CHODL: variants seen among roughly 807,000 people sequenced by gnomAD.
The protein encoded by CHODL is chondrolectin, also known as transmembrane protein MT75.
CHODL carries 29 observed loss-of-function variants against 34.5 expected under a neutral mutation model. The observed-to-expected ratio is 0.84, with a 90% confidence interval of 0.63 to 1.15. The LOEUF (loss-of-function observed/expected upper bound fraction) is 1.15, where lower values mean the gene tolerates loss of function less well. CHODL is among the 50% of genes most tolerant of loss of function. The pLI is 0.00. For synonymous variants in CHODL, 125 were observed against 116.1 expected, an observed-to-expected ratio of 1.08 and a Z score of -0.49; for missense variants, 332 against 332.5, an observed-to-expected ratio of 1.00 and a Z score of 0.01.
At chr21:18,048,461 T>C (rs1417955304) in intron 2 of CHODL, among the ~76,000 whole-genome samples, 1 of 151,940 alleles carries the variant, frequency 6.6e-6, no homozygotes, top group African/African-American at 2.4e-5. Flanking sequence ...TATATTTGCA[T>C]CTTGTTCGGT....
At chr21:18,143,544 A>G (rs1321487640) in intron 2 of CHODL, among the ~76,000 whole-genome samples, 1 of 152,106 alleles carries the variant, frequency 6.6e-6, no homozygotes, top group African/African-American at 2.4e-5. Context: ...TCTGAATTTG[A>G]ACCCTAGCTT....
chr21:18,128,984 G>A (rs193163067), intron 2 of CHODL, among the ~76,000 whole-genome samples: 56 of 151,902 alleles, frequency 3.7e-4, no homozygotes, highest in East Asian at 1.5e-3. Context: ...GTTTTATGCC[G>A]TTTACTTTTT....
chr21:18,035,589 T>C (rs917558434), intron 2 of CHODL, among the ~76,000 whole-genome samples: 1 of 152,034 alleles, frequency 6.6e-6, no homozygotes, highest in African/African-American at 2.4e-5. Context: ...TCATATATAC[T>C]AGTCTACTTG....
At chr21:17,981,960 G>T (rs189038029) in intron 1 of CHODL, among the ~76,000 whole-genome samples, 4 of 152,304 alleles carry the variant, frequency 2.6e-5, no homozygotes, top group Admixed American at 2.6e-4. Flanking sequence ...ATATTTATTT[G>T]TAGGCCCCCA....
intron 2 of CHODL, among the ~76,000 whole-genome samples, chr21:18,084,633 T>G (rs539390282): frequency 3.4e-4 from 52 of 152,298 alleles, no homozygotes; most frequent in Admixed American, 5.2e-4. Flanking sequence ...GAGAAGATAT[T>G]TGATACAATT....
intron 1 of CHODL, among the ~76,000 whole-genome samples, chr21:17,939,976 G>A (rs2063350202): frequency 6.6e-6 from 1 of 152,166 alleles, no homozygotes; most frequent in East Asian, 1.9e-4. Context: ...AGATTCATGG[G>A]TGTGTAACCT....
intron 1 of CHODL, among the ~76,000 whole-genome samples, chr21:17,976,235 C>T (rs896551584): frequency 2.8e-4 from 35 of 122,960 alleles, no homozygotes; most frequent in South Asian, 2.7e-4. Flanking sequence ...TGCACCATTG[C>T]ACTCCAACCT....
At chr21:18,065,502 A>G (rs2064721101) in intron 2 of CHODL, among the ~76,000 whole-genome samples, 1 of 152,198 alleles carries the variant, frequency 6.6e-6, no homozygotes, top group Non-Finnish European at 1.5e-5. Context: ...AACTTGTGCC[A>G]TTAGTGATAT....
intron 2 of CHODL, among the ~76,000 whole-genome samples, chr21:18,083,241 G>T (rs2064963722): frequency 1.3e-5 from 2 of 152,244 alleles, no homozygotes; most frequent in African/African-American, 4.8e-5. Flanking sequence ...ATGTGGTGTT[G>T]GGCCTGTGGG....
intron 2 of CHODL, among the ~76,000 whole-genome samples, chr21:18,117,646 T>C (rs541896391): frequency 6.6e-6 from 1 of 152,004 alleles, no homozygotes; most frequent in South Asian, 2.1e-4. Context: ...GGGGGAGAAA[T>C]ACAATAAAAA....
chr21:18,157,072 G>A (rs1157572554), intron 2 of CHODL, among the ~76,000 whole-genome samples: 1 of 152,106 alleles, frequency 6.6e-6, no homozygotes, highest in Non-Finnish European at 1.5e-5. Flanking sequence ...GAAGCTATGT[G>A]GTACCACTCC....
intron 1 of CHODL, among the ~76,000 whole-genome samples, chr21:17,925,487 C>G (rs2063215519): frequency 6.6e-6 from 1 of 152,108 alleles, no homozygotes; most frequent in African/African-American, 2.4e-5. Flanking sequence ...TCATTGATTT[C>G]TCAACTGACC....
At chr21:18,128,445 T>TA (rs2072609153) in intron 2 of CHODL, among the ~76,000 whole-genome samples, 2 of 149,672 alleles carry the variant, frequency 1.3e-5, no homozygotes, top group African/African-American at 4.9e-5. Context: ...AAAGCAAAGG[T>TA]AACCTCAAAA....
chr21:17,935,972 T>C (rs563096865), intron 1 of CHODL, among the ~76,000 whole-genome samples: 1 of 152,358 alleles, frequency 6.6e-6, no homozygotes, highest in Admixed American at 6.5e-5. Flanking sequence ...ATGCTTTCTT[T>C]TCCCCTTTCT....
chr21:17,949,745 T>C (rs1437967940), intron 1 of CHODL, among the ~76,000 whole-genome samples: 1 of 152,166 alleles, frequency 6.6e-6, no homozygotes, highest in Non-Finnish European at 1.5e-5. Flanking sequence ...GCCAGAGAGA[T>C]GGATGGGCAA....
chr21:18,001,503 A>G (rs776450831), intron 1 of CHODL, among the ~76,000 whole-genome samples: 1 of 152,234 alleles, frequency 6.6e-6, no homozygotes, highest in Non-Finnish European at 1.5e-5. Context: ...GTTAAAAGTC[A>G]TAATGGCTTA....
intron 2 of CHODL, among the ~76,000 whole-genome samples, chr21:18,195,995 A>T (rs1253723601): frequency 1.3e-5 from 2 of 152,212 alleles, no homozygotes; most frequent in African/African-American, 4.8e-5. Context: ...GACATACACA[A>T]GTTATATGGA....
At chr21:18,220,781 T>C (rs2073875735) in intron 2 of CHODL, among the ~76,000 whole-genome samples, 2 of 152,118 alleles carry the variant, frequency 1.3e-5, no homozygotes, top group Non-Finnish European at 2.9e-5. Flanking sequence ...GATAATCCTT[T>C]TGTATGTGAT....
At chr21:18,134,729 G>C (rs952101833) in intron 2 of CHODL, among the ~76,000 whole-genome samples, 1 of 152,154 alleles carries the variant, frequency 6.6e-6, no homozygotes, top group Non-Finnish European at 1.5e-5. Context: ...CTCACAAGAG[G>C]AGGAGATTGC....
Sources: allele counts gnomAD v4.1 joint callset (sites outside exome capture counted in the v4.1 genomes callset), GRCh38; gene constraint gnomAD v4.1.1; transcripts MANE v1.5; gene names NCBI Gene and HGNC (gene_info 2026-07-23, HGNC 2026-07-21).